Variants in CYRIB observed in about 807,000 individuals in gnomAD.
The protein encoded by CYRIB is CYFIP related Rac1 interactor B, also known as CYFIP-related Rac1 interactor B.
CYRIB carries 8 observed loss-of-function variants against 44.2 expected under a neutral mutation model. The observed-to-expected ratio is 0.18, with a 90% CI of 0.11 to 0.33. The LOEUF (loss-of-function observed/expected upper bound fraction) is 0.33, where lower values mean the gene tolerates loss of function less well. Among genes scored for constraint, CYRIB ranks in the 10% least tolerant of loss-of-function variants. The pLI is 1.00. For missense variants in CYRIB, 185 were observed against 382.8 expected (o/e 0.48, Z 4.31); for synonymous variants, 131 against 127.2 (o/e 1.03, Z -0.20).
intron 1 of CYRIB, among the ~76,000 whole-genome samples, chr8:130,012,477 G>A (rs1446021533): frequency 6.6e-6 from 1 of 152,086 alleles, no homozygotes. Context: ...TGGGACCAGG[G>A]GAGGGACAGA....
intron 1 of CYRIB, among the ~76,000 whole-genome samples, chr8:129,913,327 T>C (rs770645952): frequency 2.6e-5 from 4 of 152,212 alleles, no homozygotes; most frequent in Non-Finnish European, 5.9e-5. Flanking sequence ...AAACCTTGTC[T>C]TTCCCCACAG....
rs186110375 is a variant in CYRIB at position 129,948,964 on chromosome 8, A to T, written c.-243+21979T>A. 9.2e-5 allele frequency: 14 copies of T among 152,386 alleles called. No individual in the cohort carries two copies. The East Asian group carries it at 2.5e-3, about 27-fold the overall frequency. 9.4% of individuals were successfully genotyped at this position (152,386 alleles called of 1,614,324 possible). On this transcript the variant is annotated intron_variant, in intron 2 of 14. Transcript: ENST00000401979. ...GTGGTGTGAGCCTGTGGTCCCAGTTACTTGGGAGGCTGAGGCAGTAGGATT... is the reference window on the plus strand; with the variant it reads ...GTGGTGTGAGCCTGTGGTCCCAGTTTCTTGGGAGGCTGAGGCAGTAGGATT...
At chr8:129,904,574 C>T (rs1654712592) in intron 1 of CYRIB, 1 of 152,146 alleles carries the variant, frequency 6.6e-6, no homozygotes, top group African/African-American at 2.4e-5. Context: ...AACAGGTGTG[C>T]AAATGAATTA....
intron 3 of CYRIB, among the ~76,000 whole-genome samples, chr8:129,876,333 G>C (rs1427870806): frequency 6.6e-6 from 1 of 152,114 alleles, no homozygotes; most frequent in Non-Finnish European, 1.5e-5. Flanking sequence ...TCATGCCGCT[G>C]CACTCCAGCC....
At chr8:129,993,774 A>G (rs1168787220) in intron 1 of CYRIB, among the ~76,000 whole-genome samples, 1 of 151,910 alleles carries the variant, frequency 6.6e-6, no homozygotes, top group Non-Finnish European at 1.5e-5. Flanking sequence ...AGGTGGGAGA[A>G]GCACTTGAAC....
At chr8:129,865,753 G>T (rs995079987) in intron 4 of CYRIB, among the ~76,000 whole-genome samples, 1 of 152,104 alleles carries the variant, frequency 6.6e-6, no homozygotes, top group Non-Finnish European at 1.5e-5. Flanking sequence ...TTACACTGGC[G>T]TATTGTGAAA....
intron 2 of CYRIB, among the ~76,000 whole-genome samples, chr8:129,884,768 C>T (rs995380208): frequency 6.6e-6 from 1 of 152,100 alleles, no homozygotes; most frequent in African/African-American, 2.4e-5. Context: ...ATTGTATTTA[C>T]TAAATAAGCT....
intron 1 of CYRIB, among the ~76,000 whole-genome samples, chr8:129,906,270 C>T: frequency 6.6e-6 from 1 of 152,164 alleles, no homozygotes; most frequent in South Asian, 2.1e-4. Flanking sequence ...ACCAATGGAA[C>T]AGAACAGAGT....
At chr8:129,928,499 C>T (rs1481862130) in intron 1 of CYRIB, among the ~76,000 whole-genome samples, 3 of 151,506 alleles carry the variant, frequency 2.0e-5, no homozygotes, top group African/African-American at 2.4e-5. Flanking sequence ...GACATTTCAC[C>T]GAAACAGATG....
intron 1 of CYRIB, among the ~76,000 whole-genome samples, chr8:129,972,294 G>C (rs1192962870): frequency 1.3e-5 from 2 of 152,200 alleles, no homozygotes; most frequent in African/African-American, 4.8e-5. Context: ...CAGTGGCCAA[G>C]AAGAGGATTT....
At chr8:130,016,218 C>A (rs918679681) in intron 1 of CYRIB, among the ~76,000 whole-genome samples, 152 bp downstream of exon 1, 6 of 147,224 alleles carry the variant, frequency 4.1e-5, no homozygotes, top group African/African-American at 1.5e-4. Context: ...CGCCGCAGCG[C>A]CCGGCCCGGC....
Position 129,854,359 on chromosome 8 carries a change from G to T in CYRIB, c.439-16C>A. Reference sequence around the variant, plus strand: ...GATTTGTCATCTGAAGAAGACAGTTGTGGAAAAAAAATGTTATGTACTAAA... The same window carrying T: ...GATTTGTCATCTGAAGAAGACAGTTTTGGAAAAAAAATGTTATGTACTAAA... On this transcript the variant is annotated splice_polypyrimidine_tract_variant and intron_variant, in intron 6 of 11. Coordinates refer to ENST00000519824, the Ensembl canonical transcript of CYRIB. 6.3e-7 allele frequency: 1 copy of T among 1,584,682 alleles called. No individual in the cohort carries two copies. Among genetic ancestry groups the T allele is most frequent in the Non-Finnish European group, 8.6e-7 (1 of 1,166,346 alleles).
intron 1 of CYRIB, among the ~76,000 whole-genome samples, chr8:129,971,772 A>C (rs1424295759): frequency 6.6e-6 from 1 of 152,172 alleles, no homozygotes; most frequent in African/African-American, 2.4e-5. Context: ...TCAGGTTTCT[A>C]CTTTGCAGAG....
At chr8:129,954,851 T>C (rs1188451647) in intron 2 of CYRIB, among the ~76,000 whole-genome samples, 1 of 152,222 alleles carries the variant, frequency 6.6e-6, no homozygotes, top group Non-Finnish European at 1.5e-5. Flanking sequence ...TGGTATGGTA[T>C]CTGGTGTGAT....
chr8:129,971,480 CAAAT>C (rs1439325710), intron 1 of CYRIB, among the ~76,000 whole-genome samples: 3 of 152,172 alleles, frequency 2.0e-5, no homozygotes, highest in Non-Finnish European at 4.4e-5. Flanking sequence ...TGGTATATTA[CAAAT>C]AAATAAACAT....
At chr8:129,857,577 C>A (rs1206168424) in intron 5 of CYRIB, among the ~76,000 whole-genome samples, 1 of 152,212 alleles carries the variant, frequency 6.6e-6, no homozygotes, top group Non-Finnish European at 1.5e-5. Context: ...CTAGAGAAAT[C>A]ATCTAAGCAG....
chr8:129,970,565 T>A (rs1361641757), intron 2 of CYRIB: 1 of 152,072 alleles, frequency 6.6e-6, no homozygotes, highest in African/African-American at 2.4e-5. Context: ...TTTTGTATTT[T>A]TAGTAGAGAC....
chr8:130,014,487 A>G (rs994957922), intron 1 of CYRIB, among the ~76,000 whole-genome samples: 1 of 152,200 alleles, frequency 6.6e-6, no homozygotes, highest in African/African-American at 2.4e-5. Context: ...GCTGCTGCAC[A>G]GAAGGGTCTG....
chr8:129,877,710 A>C (rs951107871), intron 3 of CYRIB, among the ~76,000 whole-genome samples: 2 of 150,206 alleles, frequency 1.3e-5, no homozygotes, highest in African/African-American at 2.5e-5. Flanking sequence ...AAAATGATCC[A>C]AACACTCCCA....
Sources: gnomAD v4.1 joint callset for allele counts (sites outside exome capture counted in the v4.1 genomes callset) on GRCh38, gnomAD v4.1.1 for gene constraint, MANE v1.5 for transcripts, NCBI Gene and HGNC (gene_info 2026-07-23, HGNC 2026-07-21) for gene names.